The following ITPR2 variants were observed in gnomAD, a reference collection of about 807,000 sequenced individuals.
ITPR2 encodes the protein inositol 1,4,5-trisphosphate-gated calcium channel ITPR2.
Under a neutral mutation model 317.1 loss-of-function variants are expected in ITPR2, and 207 were observed. The ratio of observed to expected loss-of-function variants is 0.65; its 90% CI spans 0.58 to 0.73. The LOEUF is 0.73. Among genes scored for constraint, ITPR2 ranks in the 30% least tolerant of loss-of-function variants. The pLI, the probability that ITPR2 is intolerant of heterozygous loss-of-function variation, is 0.00. For synonymous variants in ITPR2, 1,156 were observed against 1,149.1 expected, an observed-to-expected ratio of 1.01 and a Z score of -0.12; for missense variants, 2,613 against 3,284.0, an observed-to-expected ratio of 0.80 and a Z score of 4.99.
At chr12:26,474,782 A>G (rs1189448796) in intron 45 of ITPR2, among the ~76,000 whole-genome samples, 1 of 122,596 alleles carries the variant, frequency 8.2e-6, no homozygotes, top group Non-Finnish European at 1.7e-5. Context: ...CGACAGAGCG[A>G]GACTCCGTCT....
At chr12:26,536,445 A>C (rs1480676166) in intron 37 of ITPR2, among the ~76,000 whole-genome samples, 2 of 152,158 alleles carry the variant, frequency 1.3e-5, no homozygotes, top group Non-Finnish European at 2.9e-5. Context: ...GAGGTGAATA[A>C]GAAGAGGAAG....
At chr12:26,470,189 C>T (rs911441951) in intron 45 of ITPR2, among the ~76,000 whole-genome samples, 2 of 152,190 alleles carry the variant, frequency 1.3e-5, no homozygotes, top group Admixed American at 6.5e-5. Flanking sequence ...GCAAATCCTG[C>T]CCTCATGGAT....
intron 37 of ITPR2, among the ~76,000 whole-genome samples, chr12:26,511,312 C>T (rs1222663284): frequency 2.6e-5 from 4 of 152,250 alleles, no homozygotes; most frequent in African/African-American, 9.6e-5. Context: ...CTTGGAGAAG[C>T]TGTTTCTGAC....
chr12:26,611,648 G>A (rs1946271359), intron 26 of ITPR2, among the ~76,000 whole-genome samples: 1 of 152,136 alleles, frequency 6.6e-6, no homozygotes, highest in African/African-American at 2.4e-5. Context: ...CACACAAATA[G>A]AGAAACAAAA....
At chr12:26,607,754 AC>A (rs1303250614) in intron 26 of ITPR2, among the ~76,000 whole-genome samples, 31 of 151,968 alleles carry the variant, frequency 2.0e-4, no homozygotes, top group African/African-American at 7.0e-4. Context: ...CGTACCCCAA[AC>A]CTTTTTTCCT....
chr12:26,768,425 TA>T (rs72266930), intron 2 of ITPR2, among the ~76,000 whole-genome samples: 1,764 of 118,932 alleles, frequency 0.015, 49 homozygotes, highest in African/African-American at 0.066. Flanking sequence ...AAAAAAAAAT[TA>T]AAAAAAAATA....
At chr12:26,526,843 GATAAGAAGAA>G (rs1943821383) in intron 37 of ITPR2, among the ~76,000 whole-genome samples, 1 of 152,136 alleles carries the variant, frequency 6.6e-6, no homozygotes, top group Non-Finnish European at 1.5e-5. Flanking sequence ...AGGGGCGAGA[GATAAGAAGAA>G]ATCAAGAATG....
chr12:26,763,657 C>T (rs532596852), intron 2 of ITPR2, among the ~76,000 whole-genome samples: 1 of 152,192 alleles, frequency 6.6e-6, no homozygotes, highest in Admixed American at 6.5e-5. Flanking sequence ...ATTTCTTCCC[C>T]ACTTCCATTG....
chr12:26,444,070 T>C (rs1299851814), intron 45 of ITPR2, among the ~76,000 whole-genome samples: 7 of 152,192 alleles, frequency 4.6e-5, no homozygotes, highest in South Asian at 4.1e-4. Flanking sequence ...GTTTCTCTTA[T>C]AGCATGTAAT....
At chr12:26,562,825 G>A (rs1944856665) in intron 34 of ITPR2, among the ~76,000 whole-genome samples, 1 of 151,820 alleles carries the variant, frequency 6.6e-6, no homozygotes, top group Admixed American at 6.6e-5. Context: ...TAAATGACAA[G>A]TTAATGGGTG....
chr12:26,701,110 G>A (rs1273498093), intron 9 of ITPR2, among the ~76,000 whole-genome samples: 2 of 152,110 alleles, frequency 1.3e-5, no homozygotes, highest in Non-Finnish European at 2.9e-5. Context: ...ACTGGCCAAA[G>A]AAGAATATAA....
rs1946025612 is a variant in ITPR2, at chr12:26,602,511, G to C, written c.3553-16C>G. ...TGATCAAAATCTTTAAAAGGAAGAG[G>C]GAAAGCATCAAATATAATAAATAAC... On this transcript the variant is annotated splice_polypyrimidine_tract_variant and intron_variant, in intron 27 of 56. Transcript: ENST00000381340. 1.2e-6 allele frequency: 2 copies of C among 1,603,624 alleles called. No homozygotes were observed. Among genetic ancestry groups the C allele is most frequent in the Admixed American group, 3.4e-5 (2 of 59,348 alleles).
chr12:26,600,166 T>C (rs1945960754), intron 28 of ITPR2, 57 bp from the exon 29 acceptor site: 6 of 1,475,342 alleles, frequency 4.1e-6, no homozygotes, highest in Non-Finnish European at 5.6e-6. Context: ...GCAAATGTTA[T>C]GCAAAAATCT....
intron 13 of ITPR2, among the ~76,000 whole-genome samples, chr12:26,670,905 G>A (rs1947752760): frequency 1.3e-5 from 2 of 152,184 alleles, no homozygotes; most frequent in African/African-American, 4.8e-5. Flanking sequence ...GAAGAATGCA[G>A]AAGCCTCAGG....
intron 13 of ITPR2, among the ~76,000 whole-genome samples, chr12:26,675,140 A>G (rs1489094774): frequency 2.4e-4 from 36 of 152,210 alleles, no homozygotes; most frequent in East Asian, 9.7e-4. Context: ...TCAGTGTGGC[A>G]ATTCCTCAGG....
intron 21 of ITPR2, among the ~76,000 whole-genome samples, chr12:26,634,721 T>TC (rs1946827813): frequency 6.6e-6 from 1 of 151,418 alleles, no homozygotes; most frequent in Non-Finnish European, 1.5e-5. Flanking sequence ...CCTGTCTCTG[T>TC]TAAAAATACA....
intron 48 of ITPR2, 50 bp from the exon 49 acceptor site, chr12:26,428,138 T>C (rs1941117937): frequency 1.4e-6 from 2 of 1,416,576 alleles, no homozygotes; most frequent in South Asian, 1.5e-5. Context: ...AACTAAAAAA[T>C]GCTAAAATAT....
Position 26,443,651 on chromosome 12 carries a change from C to T in ITPR2, c.6343-1G>A, listed in dbSNP as rs1168788541. The T allele has an allele frequency of 1.2e-6, 2 of 1,611,786 alleles. No homozygotes were observed. Among genetic ancestry groups the T allele is most frequent in the East Asian group, 2.2e-5 (1 of 44,834 alleles). On this transcript the variant is annotated splice_acceptor_variant, in intron 45 of 56. Coordinates refer to ENST00000381340, the MANE Select transcript of ITPR2 (RefSeq NM_002223.4). LOFTEE classifies it high-confidence loss of function. ...GCAACAGTTTATTGTGGCGGGCCAACTAGAGTAGGGAAAAAATAAAGGTTT... is the reference window on the plus strand; with the variant it reads ...GCAACAGTTTATTGTGGCGGGCCAATTAGAGTAGGGAAAAAATAAAGGTTT...
At chr12:26,650,769 A>G (rs1947232258) in intron 21 of ITPR2, among the ~76,000 whole-genome samples, 1 of 152,188 alleles carries the variant, frequency 6.6e-6, no homozygotes, top group Non-Finnish European at 1.5e-5. Flanking sequence ...GGACATTTCA[A>G]GTGTTATGTA....
Sources: gnomAD v4.1 joint callset for allele counts (sites outside exome capture counted in the v4.1 genomes callset) on GRCh38, gnomAD v4.1.1 for gene constraint, MANE v1.5 for transcripts, NCBI Gene and HGNC (gene_info 2026-07-23, HGNC 2026-07-21) for gene names.